Variants in SCARA5 observed in about 807,000 individuals in gnomAD.
SCARA5 encodes scavenger receptor class A member 5, also known as scavenger receptor class A, member 5 (putative).
A neutral mutation model predicts 46.3 loss-of-function variants in SCARA5; 45 were observed. The observed-to-expected ratio is 0.97, with a 90% CI of 0.76 to 1.24. SCARA5 has a LOEUF of 1.24. Among genes scored for constraint, SCARA5 ranks in the 50% most tolerant of loss-of-function variants. SCARA5 has a pLI of 0.00. For synonymous variants in SCARA5, 333 were observed against 306.5 expected (o/e 1.09, Z -0.90); for missense variants, 680 against 689.0 (o/e 0.99, Z 0.15).
At chr8:27,974,086 G>A (rs1374460452) in intron 2 of SCARA5, among the ~76,000 whole-genome samples, 1 of 152,128 alleles carries the variant, frequency 6.6e-6, no homozygotes, top group Non-Finnish European at 1.5e-5. Context: ...TAGGGAGAGG[G>A]TCCCCCAGTG....
chr8:27,883,139 G>C (rs1806837458), intron 7 of SCARA5, among the ~76,000 whole-genome samples: 1 of 152,216 alleles, frequency 6.6e-6, no homozygotes, highest in Non-Finnish European at 1.5e-5. Flanking sequence ...CACACAGCCT[G>C]GCTGGAGGAA....
At chr8:27,981,631 A>G (rs962261533) in intron 2 of SCARA5, among the ~76,000 whole-genome samples, 115 of 152,318 alleles carry the variant, frequency 7.5e-4, no homozygotes, top group Middle Eastern at 3.4e-3. Context: ...CAAGGACAAC[A>G]CAACTCGTGT....
intron 3 of SCARA5, among the ~76,000 whole-genome samples, chr8:27,938,744 G>GA (rs796195295): frequency 2.0e-5 from 3 of 152,050 alleles, no homozygotes; most frequent in Non-Finnish European, 4.4e-5. Flanking sequence ...AATTAAAGAG[G>GA]AAAAAAATCC....
chr8:27,902,301 G>A (rs774659453), intron 7 of SCARA5, among the ~76,000 whole-genome samples: 60 of 152,214 alleles, frequency 3.9e-4, no homozygotes, highest in South Asian at 6.2e-4. Context: ...GGGCCAAGTG[G>A]AGGGGGTGGC....
intron 7 of SCARA5, among the ~76,000 whole-genome samples, chr8:27,894,864 G>C (rs1170254780): frequency 1.3e-5 from 2 of 152,208 alleles, no homozygotes; most frequent in Non-Finnish European, 2.9e-5. Context: ...GCACGTTCCA[G>C]TGCTCAACAG....
intron 4 of SCARA5, among the ~76,000 whole-genome samples, chr8:27,914,145 T>C (rs1807423238): frequency 1.3e-5 from 2 of 151,984 alleles, no homozygotes; most frequent in Non-Finnish European, 2.9e-5. Flanking sequence ...TAAAGGGGAG[T>C]TCTGCACACA....
chr8:27,970,610 G>A (rs1281108477), intron 2 of SCARA5, among the ~76,000 whole-genome samples: 8 of 152,312 alleles, frequency 5.3e-5, no homozygotes, highest in Admixed American at 4.6e-4. Context: ...CACTGCCTAT[G>A]GGGTAGCCCT....
At chr8:27,926,379 T>C (rs1807680589) in intron 3 of SCARA5, among the ~76,000 whole-genome samples, 1 of 151,738 alleles carries the variant, frequency 6.6e-6, no homozygotes, top group African/African-American at 2.4e-5. Context: ...TTCTCACTCA[T>C]AGGTGGGAAT....
At chr8:27,946,384 C>T (rs1411825219) in intron 3 of SCARA5, among the ~76,000 whole-genome samples, 1 of 152,188 alleles carries the variant, frequency 6.6e-6, no homozygotes, top group East Asian at 1.9e-4. Flanking sequence ...GCTCCAGGAT[C>T]CCCCACAGAA....
At chr8:27,892,695 G>A (rs2685378) in intron 7 of SCARA5, among the ~76,000 whole-genome samples, 109,354 of 148,690 alleles carry the variant, frequency 0.74, 41,327 homozygotes, top group South Asian at 0.85. Context: ...CTCAAGCCCC[G>A]CCTCCGGGGT....
intron 3 of SCARA5, among the ~76,000 whole-genome samples, chr8:27,936,572 G>T (rs1311574620): frequency 1.2e-5 from 1 of 83,932 alleles, no homozygotes; most frequent in Non-Finnish European, 2.3e-5. Context: ...CTGGGTGAGA[G>T]AGAAAGACTG....
chr8:27,912,264 C>T (rs1248672462), intron 4 of SCARA5, among the ~76,000 whole-genome samples: 2 of 152,190 alleles, frequency 1.3e-5, no homozygotes, highest in African/African-American at 4.8e-5. Flanking sequence ...GTTAATAATA[C>T]ATACAAAACA....
At chr8:27,933,550 C>A (rs2129850334) in intron 3 of SCARA5, among the ~76,000 whole-genome samples, 1 of 146,236 alleles carries the variant, frequency 6.8e-6, no homozygotes, top group South Asian at 2.1e-4. Flanking sequence ...GACAACAGGG[C>A]AGATTCATGA....
chr8:27,933,245 G>C (rs7016618), intron 3 of SCARA5, among the ~76,000 whole-genome samples: 81,433 of 151,896 alleles, frequency 0.54, 22,614 homozygotes, highest in Middle Eastern at 0.71. Flanking sequence ...GATTCAGCTG[G>C]GCACAGTGGC....
chr8:27,914,877 G>C (rs1165992478), intron 4 of SCARA5, among the ~76,000 whole-genome samples: 2 of 152,148 alleles, frequency 1.3e-5, no homozygotes, highest in Non-Finnish European at 2.9e-5. Flanking sequence ...AGAAGCACCG[G>C]GGTTTTCCTG....
intron 7 of SCARA5, among the ~76,000 whole-genome samples, chr8:27,887,906 ACT>A (rs1563513236): frequency 6.6e-6 from 1 of 152,058 alleles, no homozygotes; most frequent in Non-Finnish European, 1.5e-5. Flanking sequence ...ACCTCTGATG[ACT>A]CTCTATAGAA....
intron 2 of SCARA5, among the ~76,000 whole-genome samples, chr8:27,968,630 T>C (rs1402721427): frequency 6.6e-6 from 1 of 152,190 alleles, no homozygotes; most frequent in Admixed American, 6.5e-5. Flanking sequence ...TTGAATAATA[T>C]TATACAATTA....
intron 7 of SCARA5, among the ~76,000 whole-genome samples, chr8:27,895,021 C>T (rs1465299097): frequency 6.6e-6 from 1 of 152,144 alleles, no homozygotes; most frequent in Non-Finnish European, 1.5e-5. Flanking sequence ...GGAACTTTGC[C>T]TCTACAGAAA....
At position 27,974,136 on chromosome 8, in the gene SCARA5, C is replaced by T. The variant is rs186543381; in HGVS notation, c.113-7594G>A. Among the ~76,000 whole-genome samples, 7 of 152,116 alleles carry T rather than the reference C, an allele frequency of 4.6e-5. No individual in the cohort carries two copies. In the East Asian group the frequency reaches 1.2e-3, roughly 25 times the overall value. On this transcript the variant is annotated intron_variant, in intron 2 of 8. Coordinates refer to ENST00000354914, the MANE Select transcript of SCARA5 (RefSeq NM_173833.6). ...GGAGAGAACCTTGAACCTCTACAGCCCTCTTTCCCTGTATTAAGCAGGCAG... is the reference window on the plus strand; with the variant it reads ...GGAGAGAACCTTGAACCTCTACAGCTCTCTTTCCCTGTATTAAGCAGGCAG...
Sources: allele counts gnomAD v4.1 joint callset (sites outside exome capture counted in the v4.1 genomes callset), GRCh38; gene constraint gnomAD v4.1.1; transcripts MANE v1.5; gene names NCBI Gene and HGNC (gene_info 2026-07-23, HGNC 2026-07-21).